Variants in CFAP299 observed in about 807,000 individuals in gnomAD.
CFAP299 encodes the protein cilia- and flagella-associated protein 299.
A neutral mutation model predicts 27.0 loss-of-function variants in CFAP299; 21 were observed. The ratio of observed to expected loss-of-function variants is 0.78; its 90% CI spans 0.55 to 1.12. CFAP299 has a LOEUF of 1.12. Ranked by LOEUF, CFAP299 falls within the 50% of genes most tolerant of loss-of-function variation. CFAP299 has a pLI of 0.00. For missense variants in CFAP299, 310 were observed against 276.6 expected (o/e 1.12, Z -0.86); for synonymous variants, 104 against 98.1 (o/e 1.06, Z -0.36).
intron 2 of CFAP299, among the ~76,000 whole-genome samples, chr4:80,439,963 C>G (rs1728274442): frequency 6.6e-6 from 1 of 152,192 alleles, no homozygotes. Flanking sequence ...GAACCCCCAA[C>G]AGCTCTGCAA....
rs1213552760 is a variant in CFAP299 at position 80,770,798 on chromosome 4, G to A, written c.334-99195G>A. Among the ~76,000 whole-genome samples the A allele has an allele frequency of 2.6e-5, 4 of 152,180 alleles. No homozygotes were observed. In the Middle Eastern group the frequency reaches 0.01, roughly 388 times the overall value. On this transcript the variant is annotated intron_variant, in intron 3 of 5. Coordinates refer to ENST00000358105, the MANE Select transcript of CFAP299 (RefSeq NM_152770.3). The stretch of plus-strand genomic sequence containing the variant: ...TTAGTTCTTTTGGTTTTGGGAGTAA[G>A]TCCCTGTTGTCTTGTTATTTGTCAG...
At chr4:80,730,015 C>T (rs1207692015) in intron 3 of CFAP299, among the ~76,000 whole-genome samples, 1 of 152,148 alleles carries the variant, frequency 6.6e-6, no homozygotes, top group Non-Finnish European at 1.5e-5. Flanking sequence ...TCTCTCTAAG[C>T]AGGCTGGGCT....
At chr4:80,605,406 A>T (rs1342176251) in intron 3 of CFAP299, among the ~76,000 whole-genome samples, 1 of 152,228 alleles carries the variant, frequency 6.6e-6, no homozygotes, top group Admixed American at 6.5e-5. Context: ...TTTCTTAAAC[A>T]TAAAAAGACA....
At chr4:80,458,050 AT>A (rs550288761) in intron 2 of CFAP299, among the ~76,000 whole-genome samples, 19 of 151,874 alleles carry the variant, frequency 1.3e-4, no homozygotes, top group Non-Finnish European at 2.8e-4. Context: ...ATCCTTCACC[AT>A]TTTTTTGATT....
At chr4:80,866,670 G>A (rs1732764562) in intron 3 of CFAP299, among the ~76,000 whole-genome samples, 1 of 152,088 alleles carries the variant, frequency 6.6e-6, no homozygotes, top group South Asian at 2.1e-4. Context: ...TGATTCTAGA[G>A]GGACCCGCAC....
chr4:80,743,122 G>A lies in CFAP299; in HGVS notation c.334-126871G>A, dbSNP rs562704235. ...AAGTTGTACAAGTAGACCGGGCTCC[G>A]TGGCTCATGCCTGTAATAATCTCAG... On this transcript the variant is annotated intron_variant, in intron 3 of 5. Coordinates refer to ENST00000358105, the MANE Select transcript of CFAP299 (RefSeq NM_152770.3). Among the ~76,000 whole-genome samples, 4 of 152,214 alleles carry A rather than the reference G, an allele frequency of 2.6e-5. No homozygotes were observed. The South Asian group carries it at 6.2e-4, about 24-fold the overall frequency.
intron 2 of CFAP299, among the ~76,000 whole-genome samples, chr4:80,382,205 T>G (rs1257283849): frequency 1.3e-5 from 2 of 152,010 alleles, no homozygotes; most frequent in African/African-American, 4.8e-5. Flanking sequence ...CTATAAAAAC[T>G]CTGGAAGACA....
At chr4:80,860,821 G>A (rs562857389) in intron 3 of CFAP299, among the ~76,000 whole-genome samples, 2 of 152,142 alleles carry the variant, frequency 1.3e-5, no homozygotes, top group African/African-American at 2.4e-5. Flanking sequence ...TGCCCCTACT[G>A]GGGGGTGCCT....
chr4:80,701,893 A>G (rs1398699334), intron 3 of CFAP299, among the ~76,000 whole-genome samples: 1 of 151,940 alleles, frequency 6.6e-6, no homozygotes, highest in Non-Finnish European at 1.5e-5. Context: ...TAAAACCCAA[A>G]TCATGTGCCA....
rs1482646330 is a variant in CFAP299 at position 80,602,219 on chromosome 4, G to GT, written c.333+19038dup. 2.0e-5 allele frequency among the ~76,000 whole-genome samples: 3 copies of GT among 147,488 alleles called. No individual in the cohort carries two copies. In the East Asian group the frequency reaches 6.0e-4, roughly 29 times the overall value. ...ATCCACCCCTGAACTTAAAATAAAA[G>GT]TTAAAAAAAAAAATTCAACAGGTTC... On this transcript the variant is annotated intron_variant, in intron 3 of 5. Coordinates refer to ENST00000358105, the MANE Select transcript of CFAP299 (RefSeq NM_152770.3).
chr4:80,799,941 T>A (rs1432778542), intron 3 of CFAP299, among the ~76,000 whole-genome samples: 2 of 49,226 alleles, frequency 4.1e-5, no homozygotes, highest in African/African-American at 1.7e-4. Flanking sequence ...TATATTATAT[T>A]ATATAAATAT....
intron 3 of CFAP299, among the ~76,000 whole-genome samples, chr4:80,695,320 C>T (rs1178530567): frequency 6.6e-6 from 1 of 152,096 alleles, no homozygotes; most frequent in Non-Finnish European, 1.5e-5. Context: ...ACTGCTAAAG[C>T]CTTATTGCTT....
At chr4:80,863,275 C>A (rs183346136) in intron 3 of CFAP299, among the ~76,000 whole-genome samples, 23 of 151,384 alleles carry the variant, frequency 1.5e-4, no homozygotes, top group Middle Eastern at 3.4e-3. Context: ...GTTTTATGTC[C>A]CCTCATTAGT....
At chr4:80,585,792 G>C (rs1736405154) in intron 3 of CFAP299, among the ~76,000 whole-genome samples, 1 of 152,130 alleles carries the variant, frequency 6.6e-6, no homozygotes, top group Admixed American at 6.6e-5. Context: ...CATTGTAACA[G>C]TTCAGGCAAT....
intron 2 of CFAP299, among the ~76,000 whole-genome samples, chr4:80,434,125 A>G (rs1277739599): frequency 6.6e-6 from 1 of 152,210 alleles, no homozygotes; most frequent in Non-Finnish European, 1.5e-5. Context: ...AAAATATTCT[A>G]TAAACATCAT....
At chr4:80,521,602 C>T (rs1732915495) in intron 2 of CFAP299, among the ~76,000 whole-genome samples, 2 of 151,968 alleles carry the variant, frequency 1.3e-5, no homozygotes, top group African/African-American at 4.8e-5. Flanking sequence ...TTCCCATTGA[C>T]AACAGCTCAC....
intron 3 of CFAP299, among the ~76,000 whole-genome samples, chr4:80,780,520 G>T (rs945804485): frequency 6.6e-6 from 1 of 152,038 alleles, no homozygotes; most frequent in Non-Finnish European, 1.5e-5. Context: ...TAGAAATTAC[G>T]TGATGTCCTC....
At chr4:80,572,479 G>A (rs1735628939) in intron 2 of CFAP299, among the ~76,000 whole-genome samples, 1 of 101,156 alleles carries the variant, frequency 9.9e-6, no homozygotes, top group African/African-American at 3.6e-5. Context: ...CAAGTTTCAT[G>A]TATGTTGTTG....
chr4:80,827,989 A>C (rs1730078221), intron 3 of CFAP299, among the ~76,000 whole-genome samples: 1 of 152,064 alleles, frequency 6.6e-6, no homozygotes, highest in Non-Finnish European at 1.5e-5. Flanking sequence ...AATTAACCAC[A>C]GTGGTTAACA....
Sources: gnomAD v4.1 joint callset for allele counts (sites outside exome capture counted in the v4.1 genomes callset) on GRCh38, gnomAD v4.1.1 for gene constraint, MANE v1.5 for transcripts, NCBI Gene and HGNC (gene_info 2026-07-23, HGNC 2026-07-21) for gene names.